The following NBAS variants were observed in gnomAD, a reference collection of about 807,000 sequenced individuals.
The protein encoded by NBAS is NAG/BC035112 fusion.
Under a neutral mutation model 302.5 loss-of-function variants are expected in NBAS, and 219 were observed. That is an observed-to-expected ratio of 0.72 (90% CI 0.65 to 0.81). The LOEUF (loss-of-function observed/expected upper bound fraction) is 0.81, where lower values mean the gene tolerates loss of function less well. Ranked by LOEUF, NBAS falls within the 30% of genes least tolerant of loss-of-function variation. The probability of loss-of-function intolerance (pLI) is 0.00; values close to 1 mark genes in which losing one functional copy is unlikely to be tolerated. For synonymous variants in NBAS, 1,118 were observed against 1,021.6 expected (o/e 1.09, Z -1.80); for missense variants, 2,932 against 2,841.6 (o/e 1.03, Z -0.72).
At chr2:15,182,473 A>G (rs1664874992) in intron 50 of NBAS, among the ~76,000 whole-genome samples, 1 of 152,202 alleles carries the variant, frequency 6.6e-6, no homozygotes, top group Non-Finnish European at 1.5e-5. Context: ...GATAGAGAAC[A>G]ATCACATTGA....
the NBAS span, among the ~76,000 whole-genome samples, chr2:15,104,276 A>G: frequency 4.6e-5 from 7 of 152,190 alleles, no homozygotes; most frequent in African/African-American, 1.7e-4. Flanking sequence ...CTGTGAGTCA[A>G]TTAAGCCTCT....
At chr2:15,137,740 C>T in the NBAS span, among the ~76,000 whole-genome samples, 1 of 152,142 alleles carries the variant, frequency 6.6e-6, no homozygotes, top group Non-Finnish European at 1.5e-5. Context: ...CCCTGAGAGG[C>T]AGAAGTATGC....
intron 44 of NBAS, among the ~76,000 whole-genome samples, chr2:15,260,935 G>C (rs1668823051): frequency 6.6e-6 from 1 of 152,178 alleles, no homozygotes. Flanking sequence ...CCACAGTCTA[G>C]TGGTCTGTTT....
intron 31 of NBAS, 38 bp downstream of exon 31, chr2:15,374,570 T>G (rs575955236): frequency 6.5e-7 from 1 of 1,528,950 alleles, no homozygotes; most frequent in Non-Finnish European, 9.1e-7. Flanking sequence ...TGCTGCAATA[T>G]AAGTTAGTAA....
chr2:15,303,026 C>A (rs139354658), intron 40 of NBAS, among the ~76,000 whole-genome samples: 1 of 152,174 alleles, frequency 6.6e-6, no homozygotes, highest in African/African-American at 2.4e-5. Flanking sequence ...ACTGCACTGT[C>A]GGCTTCCCTT....
At chr2:15,275,891 C>A (rs1558495604) in intron 43 of NBAS, 73 bp from the exon 44 acceptor site, 2 of 1,303,492 alleles carry the variant, frequency 1.5e-6, no homozygotes, top group Non-Finnish European at 2.2e-6. Flanking sequence ...CAAACACACA[C>A]ACATAGCCCT....
chr2:14,789,998 T>C, the NBAS span, among the ~76,000 whole-genome samples: 1 of 152,232 alleles, frequency 6.6e-6, no homozygotes, highest in Admixed American at 6.5e-5. Flanking sequence ...GAATTACATT[T>C]ATTGAGCTAT....
chr2:15,011,586 C>G, the NBAS span, among the ~76,000 whole-genome samples: 2 of 152,030 alleles, frequency 1.3e-5, no homozygotes, highest in Non-Finnish European at 2.9e-5. Context: ...TAGCAGGCAC[C>G]CCTCCAGGCT....
chr2:14,832,160 G>A, the NBAS span, among the ~76,000 whole-genome samples: 3 of 152,088 alleles, frequency 2.0e-5, no homozygotes, highest in Non-Finnish European at 4.4e-5. Context: ...AATTCCCAGA[G>A]GGTTTGTATC....
rs141556128 is a variant in NBAS at position 15,222,832 on chromosome 2, C to T, written c.6237-3864G>A. Reference sequence around the variant, plus strand: ...GTGGCAGTGGATTAAAATTACTCAGCTATGATGAGATATAGAAGGATTATC... The same window carrying T: ...GTGGCAGTGGATTAAAATTACTCAGTTATGATGAGATATAGAAGGATTATC... On this transcript the variant is annotated intron_variant, in intron 47 of 51. Transcript: ENST00000281513. 4.7e-3 allele frequency among the ~76,000 whole-genome samples: 719 copies of T among 152,248 alleles called. 2 individuals carry two copies. The highest frequency in any genetic ancestry group is 8.1e-3 in the Non-Finnish European group (549 of 68,016).
chr2:14,919,226 A>AT, the NBAS span, among the ~76,000 whole-genome samples: 1 of 152,158 alleles, frequency 6.6e-6, no homozygotes, highest in Admixed American at 6.5e-5. Flanking sequence ...GTCATATAAT[A>AT]TTTTTTGTTA....
At chr2:15,236,527 CAAAAAAAAAAAA>C (rs1167993098) in intron 45 of NBAS, among the ~76,000 whole-genome samples, 2 of 28,306 alleles carry the variant, frequency 7.1e-5, no homozygotes, top group South Asian at 4.0e-3. Context: ...GACCCTGTCT[CAAAAAAAAAAAA>C]AAAAAAAAAA....
chr2:15,100,919 G>C, the NBAS span, among the ~76,000 whole-genome samples: 1 of 152,154 alleles, frequency 6.6e-6, no homozygotes, highest in Non-Finnish European at 1.5e-5. Flanking sequence ...AATAGATTTT[G>C]GGTGCATTTG....
the NBAS span, among the ~76,000 whole-genome samples, chr2:15,039,517 C>T: frequency 6.6e-6 from 1 of 152,192 alleles, no homozygotes; most frequent in Non-Finnish European, 1.5e-5. Flanking sequence ...AATCCTATCC[C>T]AGGAGCCAAG....
At chr2:14,914,727 T>G in the NBAS span, among the ~76,000 whole-genome samples, 1 of 152,184 alleles carries the variant, frequency 6.6e-6, no homozygotes, top group African/African-American at 2.4e-5. Flanking sequence ...CAGACATCTC[T>G]GGGGTTTCTG....
the NBAS span, among the ~76,000 whole-genome samples, chr2:14,922,059 C>T: frequency 2.0e-5 from 3 of 152,114 alleles, no homozygotes; most frequent in African/African-American, 7.2e-5. Flanking sequence ...GCAGCTGCTA[C>T]CTTGGAGGTG....
chr2:15,098,488 G>GTATATAATATGTTATATATTATATAT, the NBAS span, among the ~76,000 whole-genome samples: 11 of 90,698 alleles, frequency 1.2e-4, 1 homozygote, highest in African/African-American at 5.1e-4. Context: ...GTTATATATT[G>GTATATAATATGTTATATATTATATAT]TATATAATAT....
chr2:15,164,270 A>G (rs1189982882), downstream of NBAS, among the ~76,000 whole-genome samples: 1 of 152,214 alleles, frequency 6.6e-6, no homozygotes, highest in Non-Finnish European at 1.5e-5. Context: ...TGTCATTCAA[A>G]TGCCCTCCAG....
chr2:15,313,743 A>C (rs1056398190), intron 38 of NBAS, among the ~76,000 whole-genome samples: 1 of 152,208 alleles, frequency 6.6e-6, no homozygotes, highest in Non-Finnish European at 1.5e-5. Context: ...AACATCCATG[A>C]GGTCTAATTC....
Sources: gnomAD v4.1 joint callset for allele counts (sites outside exome capture counted in the v4.1 genomes callset) on GRCh38, gnomAD v4.1.1 for gene constraint, MANE v1.5 for transcripts, NCBI Gene and HGNC (gene_info 2026-07-23, HGNC 2026-07-21) for gene names.